CGGBP1: variants seen among roughly 807,000 people sequenced by gnomAD.
The protein encoded by CGGBP1 is CGG triplet repeat-binding protein 1.
In CGGBP1, 4 loss-of-function variants were observed where a neutral mutation model predicts 11.4. That is an observed-to-expected ratio of 0.35 (90% CI 0.17 to 0.80). The LOEUF is 0.80. Ranked by LOEUF, CGGBP1 falls within the 30% of genes least tolerant of loss-of-function variation. The probability of loss-of-function intolerance (pLI) is 0.52; values close to 1 mark genes in which losing one functional copy is unlikely to be tolerated. For synonymous variants in CGGBP1, 76 were observed against 74.1 expected (o/e 1.03, Z -0.13); for missense variants, 135 against 202.1 (o/e 0.67, Z 2.01).
intron 2 of CGGBP1, among the ~76,000 whole-genome samples, chr3:88,108,175 C>T (rs1242348505): frequency 6.6e-6 from 1 of 151,786 alleles, no homozygotes; most frequent in South Asian, 2.1e-4. Context: ...ATTCAGGTCA[C>T]GACCTACATG....
Position 88,084,029 on chromosome 3 carries a change from C to T in CGGBP1, c.-228-25806G>A, listed in dbSNP as rs188756218. Among the ~76,000 whole-genome samples the T allele has an allele frequency of 5.9e-5, 9 of 151,834 alleles. 1 individual carries two copies. Among genetic ancestry groups the T allele is most frequent in the Admixed American group, 3.3e-4 (5 of 15,256 alleles). ...TTATAATGAATTACAGTGCCTGACA[C>T]GACATTAAACAATGTAAAACGGTAT... On this transcript the variant is annotated intron_variant, in intron 2 of 3. Coordinates refer to the CGGBP1 transcript ENST00000462901.
intron 3 of CGGBP1, chr3:88,056,579 A>C (rs1308076975): frequency 6.6e-6 from 1 of 152,146 alleles, no homozygotes; most frequent in Non-Finnish European, 1.5e-5. Flanking sequence ...CAATGACATT[A>C]AATTGTAAAG....
chr3:88,114,860 C>A lies in CGGBP1; in HGVS notation c.-229+26110G>T, dbSNP rs1036318817. On this transcript the variant is annotated intron_variant, in intron 2 of 3. Transcript: ENST00000462901. ...CTTGTATTTTCCAAGCTTATGAATTCTCCAGGCTTTTGACTGACACTGATA... is the reference window on the plus strand; with the variant it reads ...CTTGTATTTTCCAAGCTTATGAATTATCCAGGCTTTTGACTGACACTGATA... 5.7e-4 allele frequency among the ~76,000 whole-genome samples: 86 copies of A among 152,184 alleles called. 3 individuals carry two copies. The highest frequency in any genetic ancestry group is 5.9e-5 in the Non-Finnish European group (4 of 68,030).
chr3:88,056,644 A>G (rs1452662177), intron 3 of CGGBP1: 1 of 152,194 alleles, frequency 6.6e-6, no homozygotes, highest in East Asian at 1.9e-4. Context: ...CCGTTTTCCA[A>G]AAGGTGTTAA....
intron 2 of CGGBP1, among the ~76,000 whole-genome samples, chr3:88,100,484 GAGGATTATAAATCA>G (rs1229046887): frequency 1.8e-4 from 27 of 152,114 alleles, no homozygotes; most frequent in African/African-American, 6.5e-4. Context: ...TATATACCCA[GAGGATTATAAATCA>G]TGCTGCGCAC....
At chr3:88,078,828 C>T (rs1023671205) in intron 2 of CGGBP1, among the ~76,000 whole-genome samples, 1 of 152,058 alleles carries the variant, frequency 6.6e-6, no homozygotes, top group Non-Finnish European at 1.5e-5. Flanking sequence ...TGACTTAACA[C>T]TGTTGACTAA....
intron 2 of CGGBP1, among the ~76,000 whole-genome samples, chr3:88,083,130 C>G (rs934651794): frequency 2.0e-5 from 3 of 151,956 alleles, no homozygotes; most frequent in African/African-American, 7.3e-5. Flanking sequence ...CCTTTATGAC[C>G]TCATTTAAAC....
chr3:88,132,058 T>G (rs1706497589), intron 2 of CGGBP1, among the ~76,000 whole-genome samples: 1 of 152,194 alleles, frequency 6.6e-6, no homozygotes, highest in South Asian at 2.1e-4. Context: ...CTATATTCTT[T>G]GCTTTATATA....
intron 2 of CGGBP1, among the ~76,000 whole-genome samples, chr3:88,118,564 C>T (rs1474356858): frequency 2.6e-5 from 4 of 152,068 alleles, no homozygotes; most frequent in Non-Finnish European, 5.9e-5. Flanking sequence ...TCCACTAAAA[C>T]CTCAAAACCT....
At chr3:88,137,028 C>T (rs1313382218) in intron 2 of CGGBP1, among the ~76,000 whole-genome samples, 1 of 151,888 alleles carries the variant, frequency 6.6e-6, no homozygotes, top group Non-Finnish European at 1.5e-5. Flanking sequence ...AACCCCATCT[C>T]TACTAAAAAT....
rs1339787151 is a variant in CGGBP1, at chr3:88,052,816, T to C, written c.*2657A>G. Reference sequence around the variant, plus strand: ...TTCACCTTGTAAGAAATGATTACAATGTCCTTCAGGCTTGTTATACACCCC... The same window carrying C: ...TTCACCTTGTAAGAAATGATTACAACGTCCTTCAGGCTTGTTATACACCCC... On this transcript the variant is annotated 3_prime_UTR_variant, in exon 4 of 4. Coordinates refer to ENST00000482016, the MANE Select transcript of CGGBP1 (RefSeq NM_001008390.2). 6.6e-6 allele frequency: 1 copy of C among 152,586 alleles called. No homozygotes were observed. The highest frequency in any genetic ancestry group is 6.5e-5 in the Admixed American group (1 of 15,280). The allele number at this position is 152,586 out of a possible 1,614,324, so 9.5% of individuals were successfully genotyped here. A position where few individuals can be genotyped will look rare whatever the true frequency, so the allele number is the denominator to read the frequency against.
intron 2 of CGGBP1, among the ~76,000 whole-genome samples, chr3:88,087,111 C>T (rs1337010072): frequency 6.6e-6 from 1 of 150,426 alleles, no homozygotes; most frequent in Non-Finnish European, 1.5e-5. Flanking sequence ...GACAGAGTCT[C>T]TCTGTCACCC....
intron 2 of CGGBP1, among the ~76,000 whole-genome samples, chr3:88,085,212 G>A (rs1708278616): frequency 6.6e-6 from 1 of 152,124 alleles, no homozygotes; most frequent in Admixed American, 6.5e-5. Context: ...TGTATCAGGA[G>A]TCAGCAAACT....
At chr3:88,106,916 T>G (rs1479973163) in intron 2 of CGGBP1, among the ~76,000 whole-genome samples, 2 of 152,222 alleles carry the variant, frequency 1.3e-5, no homozygotes, top group African/African-American at 4.8e-5. Flanking sequence ...ATACTAAATT[T>G]TCACATACTA....
intron 2 of CGGBP1, chr3:88,129,962 T>TCA: frequency 1.4e-6 from 1 of 695,682 alleles, no homozygotes; most frequent in Non-Finnish European, 2.1e-6. Context: ...CAAGGAACAA[T>TCA]AGTAGATTCT....
At chr3:88,086,644 C>T (rs1362691610) in intron 2 of CGGBP1, among the ~76,000 whole-genome samples, 1 of 152,132 alleles carries the variant, frequency 6.6e-6, no homozygotes, top group Non-Finnish European at 1.5e-5. Flanking sequence ...AAGCACTTTA[C>T]TTTCCTTTTT....
intron 2 of CGGBP1, among the ~76,000 whole-genome samples, chr3:88,100,264 C>T (rs1360408820): frequency 1.3e-5 from 2 of 152,212 alleles, no homozygotes; most frequent in East Asian, 1.9e-4. Flanking sequence ...AAATCAAAAC[C>T]ACAATGAGAT....
intron 2 of CGGBP1, 165 bp from the exon 3 acceptor site, chr3:88,057,457 T>G (rs1488623987): frequency 6.6e-6 from 1 of 152,176 alleles, no homozygotes; most frequent in African/African-American, 2.4e-5. Context: ...CATTACACGT[T>G]TATACTTTAA....
At chr3:88,132,089 A>G (rs1039206892) in intron 2 of CGGBP1, among the ~76,000 whole-genome samples, 7 of 152,156 alleles carry the variant, frequency 4.6e-5, no homozygotes, top group Admixed American at 6.6e-5. Flanking sequence ...ATTTAACCCA[A>G]CAAGCTTATG....
Sources: allele counts gnomAD v4.1 joint callset (sites outside exome capture counted in the v4.1 genomes callset), GRCh38; gene constraint gnomAD v4.1.1; transcripts MANE v1.5; gene names NCBI Gene and HGNC (gene_info 2026-07-23, HGNC 2026-07-21).